The following ANPEP variants were observed in gnomAD, a reference collection of about 807,000 sequenced individuals.
ANPEP encodes the protein aminopeptidase N.
A neutral mutation model predicts 114.6 loss-of-function variants in ANPEP; 70 were observed. The observed-to-expected ratio is 0.61, with a 90% CI of 0.50 to 0.75. ANPEP has a LOEUF of 0.75. Among genes scored for constraint, ANPEP ranks in the 30% least tolerant of loss-of-function variants. The pLI is 0.00. For missense variants in ANPEP, 1,184 were observed against 1,259.5 expected, an observed-to-expected ratio of 0.94 and a Z score of 0.91; for synonymous variants, 548 against 522.3, an observed-to-expected ratio of 1.05 and a Z score of -0.67.
rs973670191 is a variant in ANPEP, at chr15:89,790,891, G to A, written c.2669+62C>T. On this transcript the variant is annotated intron_variant, in intron 19 of 20. Transcript: ENST00000300060. ...CCCCCGGCGTGTCTTACCCGCACAG[G>A]CCACCCCCCGGGGCCCCAGCCTCGG... 79 of 1,587,730 alleles carry A rather than the reference G, an allele frequency of 5.0e-5. No individual in the cohort carries two copies. The African/African-American group carries it at 8.5e-4, about 17-fold the overall frequency.
At chr15:89,811,659 AAAAAAAAG>A (rs1226346623) in intron 1 of ANPEP, among the ~76,000 whole-genome samples, 4 of 151,778 alleles carry the variant, frequency 2.6e-5, no homozygotes, top group South Asian at 4.2e-4. Flanking sequence ...TAAAAAAAAA[AAAAAAAAG>A]AAAAAAAGAA....
chr15:89,803,267 T>C lies in ANPEP; in HGVS notation c.1541A>G (p.Tyr514Cys), dbSNP rs753353785. Residue 514 changes from tyrosine (Y) to cysteine (C), a missense_variant, in exon 10 of 21, where the codon TAC becomes TGC. Physicochemically the swap from Tyr to Cys is radical, Grantham distance 194 (BLOSUM62 -2). Coordinates refer to ENST00000300060, the MANE Select transcript of ANPEP (RefSeq NM_001150.3). This position sits in a 1 kb window ranked among gnomAD's most constrained non-coding sequence, Gnocchi z 4.2. Reference sequence around the variant, plus strand: ...CTGCAGGTGGTCCCACAGGTTCAGGTAGATGGTGTTCTGGTAGGCAAAGGT... The same window carrying C: ...CTGCAGGTGGTCCCACAGGTTCAGGCAGATGGTGTTCTGGTAGGCAAAGGT... The part of the protein sequence containing the change: ...LHTFAYQNTI[Y>C]LNLWDHLQEA... 10 of 1,613,900 alleles carry C rather than the reference T, an allele frequency of 6.2e-6. No homozygotes were observed. In the Admixed American group the frequency reaches 1.3e-4, roughly 22 times the overall value.
At chr15:89,791,506 G>A (rs541795330) in intron 18 of ANPEP, among the ~76,000 whole-genome samples, 6 of 151,938 alleles carry the variant, frequency 3.9e-5, no homozygotes, top group African/African-American at 1.4e-4. Context: ...GGAGCGATTT[G>A]GGCTTACTGT....
chr15:89,810,149 G>A (rs1894791981), intron 1 of ANPEP, among the ~76,000 whole-genome samples: 1 of 152,150 alleles, frequency 6.6e-6, no homozygotes, highest in Non-Finnish European at 1.5e-5. Context: ...GGAGGCTGAG[G>A]TGGGCAGATC....
rs558022364 is a variant in ANPEP at position 89,799,443 on chromosome 15, G to T, written c.1936C>A (p.Leu646Met). The T allele has an allele frequency of 1.9e-5, 30 of 1,614,202 alleles. No homozygotes were observed. In the African/African-American group the frequency reaches 2.8e-4, roughly 15 times the overall value. ...ACACTCACCGAGTGGTCTCTCTGCA[G>T]CTGAGTCTGAATCTTCCTCCAGTTC... Reference protein sequence around the residue: ...EENWRKIQTQLQRDHSAIPVI... With the variant: ...EENWRKIQTQMQRDHSAIPVI... The change falls in exon 13 of 21, where the codon CTG (leucine) becomes ATG (methionine). Residue 646 changes from leucine to methionine, a missense_variant. Transcript: ENST00000300060. This position sits in a 1 kb window ranked among gnomAD's most constrained non-coding sequence, Gnocchi z 4.2.
At chr15:89,807,177 C>T (rs1453612078) in intron 1 of ANPEP, among the ~76,000 whole-genome samples, 3 of 152,172 alleles carry the variant, frequency 2.0e-5, no homozygotes, top group South Asian at 2.1e-4. Flanking sequence ...CCCTCCCTGC[C>T]GCTTCTTGCC....
intron 15 of ANPEP, among the ~76,000 whole-genome samples, chr15:89,794,284 G>T (rs912812957): frequency 3.3e-5 from 5 of 152,144 alleles, no homozygotes; most frequent in Admixed American, 6.5e-5. Flanking sequence ...AGGAGTTTGA[G>T]ACCAGCCTGG....
rs1002357223 is a variant in ANPEP at position 89,803,730 on chromosome 15, A to G, written c.1354T>C (p.Ser452Pro). 2.1e-5 allele frequency: 34 copies of G among 1,612,352 alleles called. No individual in the cohort carries two copies. Among genetic ancestry groups the G allele is most frequent in the Non-Finnish European group, 2.9e-5 (34 of 1,179,000 alleles). The change falls in exon 8 of 21, where the codon TCC (serine) becomes CCC (proline). Residue 452 changes from serine to proline, a missense_variant. Coordinates refer to ENST00000300060, the MANE Select transcript of ANPEP (RefSeq NM_001150.3). This position sits in a 1 kb window ranked among gnomAD's most constrained non-coding sequence, Gnocchi z 4.2. ...GAGGCGGGTGTGGACAGCGGGTGGG[A>G]GGAGGCCAGTGCATCCACTGCCATC... Reference protein sequence around the residue: ...RVMAVDALASSHPLSTPASEI... With the variant: ...RVMAVDALASPHPLSTPASEI...
At position 89,797,687 on chromosome 15, in the gene ANPEP, T is replaced by C. The variant is rs369054571; in HGVS notation, c.2045A>G (p.Asn682Ser). The change falls in exon 15 of 21, where the codon AAC becomes AGC. Residue 682 changes from asparagine (N) to serine (S), a missense_variant. Coordinates refer to ENST00000300060, the MANE Select transcript of ANPEP (RefSeq NM_001150.3). ...HKVPVTLALN[N>S]TLFLIEERQY... ...TCTCTCTTCAATCAGGAAGAGGGTGTTGTTCAGCGCCAGAGTGACAGGGAC... is the reference window on the plus strand; with the variant it reads ...TCTCTCTTCAATCAGGAAGAGGGTGCTGTTCAGCGCCAGAGTGACAGGGAC... 5 of 1,613,882 alleles carry C rather than the reference T, an allele frequency of 3.1e-6. No homozygotes were observed. The highest frequency in any genetic ancestry group is 1.1e-5 in the South Asian group (1 of 91,072).
At chr15:89,812,999 A>T (rs1255541794) in intron 1 of ANPEP, among the ~76,000 whole-genome samples, 1 of 152,122 alleles carries the variant, frequency 6.6e-6, no homozygotes, top group Admixed American at 6.5e-5. Context: ...TTCCAGACAC[A>T]GGCCTGTGGA....
intron 6 of ANPEP, 35 bp downstream of exon 6, chr15:89,804,218 T>G: frequency 6.2e-7 from 1 of 1,611,954 alleles, no homozygotes; most frequent in Non-Finnish European, 8.5e-7. Context: ...GGAGCCCCTG[T>G]TTCCTTCTCC....
rs200485322 is a variant in ANPEP at position 89,806,303 on chromosome 15, G to A, written c.281C>T (p.Thr94Ile). The A allele has an allele frequency of 6.2e-7, 1 of 1,614,182 alleles. No individual in the cohort carries two copies. Among genetic ancestry groups the A allele is most frequent in the African/African-American group, 1.3e-5 (1 of 75,024 alleles). ...AACGTACAGGCCCCTGTCATTGGGG[G>A]TGAGGTACGGTCTCAGCGTCACCCG... ...SYRVTLRPYL[T>I]PNDRGLYVFK... is the part of the protein sequence containing the mutation. Residue 94 changes from threonine (T) to isoleucine (I), a missense_variant, in exon 2 of 21, where the codon ACC becomes ATC. Thr to Ile is a moderately conservative substitution (Grantham distance 89). Transcript: ENST00000300060. This position sits in a 1 kb window ranked among gnomAD's most constrained non-coding sequence, Gnocchi z 5.7.
chr15:89,788,004 A>G (rs1467264215), intron 20 of ANPEP, among the ~76,000 whole-genome samples: 3 of 152,232 alleles, frequency 2.0e-5, no homozygotes, highest in East Asian at 3.8e-4. Flanking sequence ...ACATGGAGCA[A>G]TTAGAACCCT....
intron 20 of ANPEP, among the ~76,000 whole-genome samples, chr15:89,789,698 C>G (rs1968578319): frequency 6.8e-6 from 1 of 146,808 alleles, no homozygotes; most frequent in Non-Finnish European, 1.5e-5. Flanking sequence ...GATTGAACCC[C>G]AGAGGCAGAG....
At position 89,799,411 on chromosome 15, in the gene ANPEP, G is replaced by A. The variant is rs943364419; in HGVS notation, c.1953+15C>T. On this transcript the variant is annotated intron_variant, in intron 13 of 20. Coordinates refer to ENST00000300060, the MANE Select transcript of ANPEP (RefSeq NM_001150.3). The surrounding 1 kb of genome is among the most constrained non-coding windows in gnomAD (Gnocchi z 4.2). ...CCTGGGGCAGGGGGCAGGGCGAGGG[G>A]TGGCAGACACTCACCGAGTGGTCTC... 6.2e-7 allele frequency: 1 copy of A among 1,614,066 alleles called. No individual in the cohort carries two copies. The highest frequency in any genetic ancestry group is 1.3e-5 in the African/African-American group (1 of 74,920).
At position 89,785,389 on chromosome 15, in the gene ANPEP, T is replaced by C; in HGVS notation, c.2864A>G (p.Lys955Arg). The stretch of plus-strand genomic sequence containing the variant: ...TGTGAACCACTGGAGCACCACCTCC[T>C]TGTTCTCCTTCACCCACTTGATGTT... The part of the protein sequence containing the change: ...KANIKWVKEN[K>R]EVVLQWFTEN... Residue 955 changes from lysine (K) to arginine (R), a missense_variant, in exon 21 of 21, where the codon AAG becomes AGG. By Grantham distance (26) the Lys-to-Arg change is conservative. Coordinates refer to ENST00000300060, the MANE Select transcript of ANPEP (RefSeq NM_001150.3). The C allele has an allele frequency of 6.2e-7, 1 of 1,614,256 alleles. No homozygotes were observed.
chr15:89,813,997 G>GA lies in ANPEP; in HGVS notation c.-224+774_-224+775insT, dbSNP rs1555442929. On this transcript the variant is annotated intron_variant, in intron 1 of 20. Transcript: ENST00000300060. ...TCCCTGCCCACCGCACTGCTGGGGGGGGGGGGTGCGTTCTGGAGTCATTTG... is the reference window on the plus strand; with the variant it reads ...TCCCTGCCCACCGCACTGCTGGGGGGAGGGGGGTGCGTTCTGGAGTCATTTG... 3.0e-4 allele frequency among the ~76,000 whole-genome samples: 38 copies of GA among 125,116 alleles called. 1 individual carries two copies. The highest frequency in any genetic ancestry group is 1.7e-5 in the Non-Finnish European group (1 of 57,274). The allele number at this position is 125,116 out of a possible 152,430, so 82.1% of individuals were successfully genotyped here.
Position 89,785,055 on chromosome 15 carries a change from C to T in ANPEP, c.*294G>A, listed in dbSNP as rs1485731528. On this transcript the variant is annotated 3_prime_UTR_variant, in exon 21 of 21. Coordinates refer to ENST00000300060, the MANE Select transcript of ANPEP (RefSeq NM_001150.3). ...TTGTCCATCGAGAGCTTCTGCTCAT[C>T]TGGCCCTGGAGCTGGGCTTCCCTGA... is the stretch of plus-strand genomic sequence containing the variant. 8.1e-6 allele frequency: 3 copies of T among 372,238 alleles called. No homozygotes were observed. The highest frequency in any genetic ancestry group is 1.5e-5 in the Non-Finnish European group (3 of 200,178). 23.1% of individuals were successfully genotyped at this position (372,238 alleles called of 1,614,324 possible). A position where few individuals can be genotyped will look rare whatever the true frequency, so the allele number is the denominator to read the frequency against.
chr15:89,792,591 CA>C (rs769448107), intron 16 of ANPEP, 29 bp from the exon 17 acceptor site: 1 of 1,595,324 alleles, frequency 6.3e-7, no homozygotes. Context: ...GCGGTTAGCA[CA>C]CCTGGCGAAC....
Sources: gnomAD v4.1 joint callset for allele counts (sites outside exome capture counted in the v4.1 genomes callset) on GRCh38, gnomAD v4.1.1 for gene constraint, Gnocchi (gnomAD v3.1) non-coding constraint, MANE v1.5 for transcripts, NCBI Gene and HGNC (gene_info 2026-07-23, HGNC 2026-07-21) for gene names.